The following PTCHD4 variants were observed in gnomAD, a reference collection of about 807,000 sequenced individuals.
PTCHD4 encodes the protein patched domain containing 4, also known as patched domain-containing protein 4.
PTCHD4 carries 33 observed loss-of-function variants against 58.1 expected under a neutral mutation model. The ratio of observed to expected loss-of-function variants is 0.57; its 90% confidence interval spans 0.43 to 0.76. PTCHD4 has a LOEUF of 0.76. Ranked by LOEUF, PTCHD4 falls within the 30% of genes least tolerant of loss-of-function variation. The pLI is 0.00. For missense variants in PTCHD4, 1,058 were observed against 1,027.1 expected (o/e 1.03, Z -0.41); for synonymous variants, 478 against 409.6 (o/e 1.17, Z -2.02).
chr6:48,036,461 A>G (rs1174424440), intron 3 of PTCHD4, among the ~76,000 whole-genome samples: 1 of 152,166 alleles, frequency 6.6e-6, no homozygotes, highest in Non-Finnish European at 1.5e-5. Context: ...AAACCTCCTG[A>G]GTAGTGTGAT....
At chr6:47,983,844 A>G (rs1276193310) in intron 4 of PTCHD4, among the ~76,000 whole-genome samples, 1 of 152,204 alleles carries the variant, frequency 6.6e-6, no homozygotes, top group Non-Finnish European at 1.5e-5. Flanking sequence ...GCAAAGTACT[A>G]TGAATCATAA....
intron 3 of PTCHD4, among the ~76,000 whole-genome samples, chr6:48,021,106 G>A (rs1241750388): frequency 6.6e-6 from 1 of 151,622 alleles, no homozygotes; most frequent in Non-Finnish European, 1.5e-5. Context: ...ATTTTATACT[G>A]TCTTTTAAAA....
intron 3 of PTCHD4, among the ~76,000 whole-genome samples, chr6:48,060,929 C>A (rs1432487450): frequency 6.6e-6 from 1 of 152,192 alleles, no homozygotes; most frequent in African/African-American, 2.4e-5. Context: ...CATCAGGCAC[C>A]TTTCAGAGGC....
intron 4 of PTCHD4, among the ~76,000 whole-genome samples, chr6:47,963,297 T>G (rs1255223528): frequency 6.6e-6 from 1 of 152,058 alleles, no homozygotes; most frequent in African/African-American, 2.4e-5. Context: ...ACCTCACATC[T>G]GTTAGGATGC....
At chr6:48,109,060 A>C (rs924323587) in intron 1 of PTCHD4, among the ~76,000 whole-genome samples, 6 of 152,144 alleles carry the variant, frequency 3.9e-5, no homozygotes, top group Non-Finnish European at 5.9e-5. Context: ...AAGTGACAAA[A>C]GTGTCTGGGA....
intron 4 of PTCHD4, among the ~76,000 whole-genome samples, chr6:47,952,988 A>G (rs1393693350): frequency 2.0e-5 from 3 of 152,096 alleles, no homozygotes; most frequent in Non-Finnish European, 4.4e-5. Context: ...ATATACACAC[A>G]ATTATTCTTT....
At chr6:48,053,412 T>A (rs1422579500) in intron 3 of PTCHD4, among the ~76,000 whole-genome samples, 1 of 152,184 alleles carries the variant, frequency 6.6e-6, no homozygotes, top group Non-Finnish European at 1.5e-5. Context: ...ATAACATTAA[T>A]AAATTAGTTG....
intron 4 of PTCHD4, among the ~76,000 whole-genome samples, chr6:47,966,144 G>C (rs1056627560): frequency 6.6e-6 from 1 of 152,152 alleles, no homozygotes; most frequent in African/African-American, 2.4e-5. Flanking sequence ...TTTACACAAA[G>C]AAATGTGAAA....
At chr6:47,965,474 T>G (rs1001002495) in intron 4 of PTCHD4, among the ~76,000 whole-genome samples, 1 of 152,218 alleles carries the variant, frequency 6.6e-6, no homozygotes, top group African/African-American at 2.4e-5. Context: ...CAGAATGATT[T>G]CCTTGTTTTA....
At chr6:47,939,633 C>T (rs561035731) in intron 4 of PTCHD4, among the ~76,000 whole-genome samples, 3 of 152,048 alleles carry the variant, frequency 2.0e-5, no homozygotes, top group Non-Finnish European at 4.4e-5. Context: ...GCAACGTGAC[C>T]TTGCACCAGT....
intron 4 of PTCHD4, among the ~76,000 whole-genome samples, chr6:47,953,862 A>G (rs569051899): frequency 6.6e-6 from 1 of 152,326 alleles, no homozygotes; most frequent in African/African-American, 2.4e-5. Flanking sequence ...CAAATGCTAC[A>G]TCTCATAATA....
At chr6:48,058,666 G>C (rs1369227047) in intron 3 of PTCHD4, among the ~76,000 whole-genome samples, 2 of 152,172 alleles carry the variant, frequency 1.3e-5, no homozygotes, top group African/African-American at 4.8e-5. Flanking sequence ...AAAACCAAGA[G>C]GGAAGAAAGT....
chr6:47,993,158 A>G (rs1000650299), intron 4 of PTCHD4, among the ~76,000 whole-genome samples: 3 of 152,194 alleles, frequency 2.0e-5, no homozygotes, highest in African/African-American at 7.2e-5. Flanking sequence ...TTTTAGCTTA[A>G]ACTAAGTAAA....
At chr6:47,893,610 C>T (rs1182812332) in intron 4 of PTCHD4, among the ~76,000 whole-genome samples, 2 of 152,138 alleles carry the variant, frequency 1.3e-5, no homozygotes, top group East Asian at 3.9e-4. Context: ...TGCTAACCTG[C>T]AAAATGGAGA....
chr6:48,080,262 A>G (rs945087545), intron 1 of PTCHD4, among the ~76,000 whole-genome samples: 1 of 152,238 alleles, frequency 6.6e-6, no homozygotes, highest in African/African-American at 2.4e-5. Context: ...GCTAAAAAAA[A>G]GCAATGTAAA....
intron 4 of PTCHD4, among the ~76,000 whole-genome samples, chr6:47,929,139 T>C (rs764461582): frequency 1.8e-4 from 28 of 152,280 alleles, no homozygotes; most frequent in East Asian, 7.7e-4. Context: ...TGTAAGTATA[T>C]TGATATGTAA....
intron 3 of PTCHD4, among the ~76,000 whole-genome samples, chr6:48,058,284 T>C (rs1055048163): frequency 2.0e-5 from 3 of 152,250 alleles, no homozygotes; most frequent in African/African-American, 7.2e-5. Context: ...GTCTGAAAAT[T>C]TGCATTTCTA....
chr6:47,936,145 G>A (rs977989571), intron 4 of PTCHD4, among the ~76,000 whole-genome samples: 35 of 152,196 alleles, frequency 2.3e-4, no homozygotes, highest in Non-Finnish European at 7.3e-5. Flanking sequence ...TAGGAAACAA[G>A]AGGGGACAAA....
chr6:47,962,584 C>T (rs951041107), intron 4 of PTCHD4, among the ~76,000 whole-genome samples: 4 of 152,088 alleles, frequency 2.6e-5, no homozygotes, highest in Admixed American at 1.3e-4. Context: ...GGCTCTTCCC[C>T]GTTCACTCAG....
Sources: gnomAD v4.1 joint callset for allele counts (sites outside exome capture counted in the v4.1 genomes callset) on GRCh38, gnomAD v4.1.1 for gene constraint, MANE v1.5 for transcripts, NCBI Gene and HGNC (gene_info 2026-07-23, HGNC 2026-07-21) for gene names.